TMEM18: variants seen among roughly 807,000 people sequenced by gnomAD.
TMEM18 encodes the protein transmembrane protein 18.
Under a neutral mutation model 17.4 loss-of-function variants are expected in TMEM18, and 14 were observed. The ratio of observed to expected loss-of-function variants is 0.80; its 90% confidence interval spans 0.53 to 1.25. The LOEUF (loss-of-function observed/expected upper bound fraction) is 1.25. Among genes scored for constraint, TMEM18 ranks in the 50% most tolerant of loss-of-function variants. The pLI is 0.00. For synonymous variants in TMEM18, 86 were observed against 66.1 expected (o/e 1.30, Z -1.46); for missense variants, 187 against 172.1 (o/e 1.09, Z -0.48).
In TMEM18 at chr2:668,085, G is replaced by GGA. The variant is rs1325871518; in HGVS notation, c.*1493_*1494dup. On this transcript the variant is annotated 3_prime_UTR_variant, in exon 5 of 5. Coordinates refer to ENST00000281017, the MANE Select transcript of TMEM18 (RefSeq NM_152834.4). Reference sequence around the variant, plus strand: ...CAAGCACCTTCTTCACAAGGCAGCAGGAGAGAGACAGTGACAGCAGGGGAA... The same window carrying GGA: ...CAAGCACCTTCTTCACAAGGCAGCAGGAGAGAGAGACAGTGACAGCAGGGGAA... 2 of 152,236 alleles carry GGA rather than the reference G, an allele frequency of 1.3e-5. No individual in the cohort carries two copies. Among genetic ancestry groups the GGA allele is most frequent in the African/African-American group, 4.8e-5 (2 of 41,458 alleles). 9.4% of individuals were successfully genotyped at this position (152,236 alleles called of 1,614,324 possible). A position where few individuals can be genotyped will look rare whatever the true frequency, so the allele number is the denominator to read the frequency against.
intron 1 of TMEM18, chr2:675,972 C>T: frequency 1.5e-6 from 2 of 1,322,168 alleles, no homozygotes; most frequent in Non-Finnish European, 2.0e-6. Flanking sequence ...AAAGGAATTA[C>T]CATCCTTTAC....
chr2:676,358 T>C, intron 1 of TMEM18: 1 of 1,429,386 alleles, frequency 7.0e-7, no homozygotes, highest in Non-Finnish European at 9.3e-7. Flanking sequence ...CATCCCCTCC[T>C]TGAGCGCCCT....
At chr2:676,198 G>A (rs1420939093) in intron 1 of TMEM18, 4 of 1,363,686 alleles carry the variant, frequency 2.9e-6, no homozygotes, top group Admixed American at 4.4e-5. Flanking sequence ...AGACAGTGCC[G>A]CACTCCGCCG....
chr2:672,278 G>A (rs970631543), intron 3 of TMEM18, among the ~76,000 whole-genome samples: 5 of 152,214 alleles, frequency 3.3e-5, no homozygotes, highest in Non-Finnish European at 5.9e-5. Context: ...CTGGGCAGGT[G>A]CTGGGTTCCG....
rs370486484 is a variant in TMEM18, at chr2:674,951, C to T, written c.178+559G>A. On this transcript the variant is annotated intron_variant, in intron 2 of 4. Coordinates refer to ENST00000281017, the MANE Select transcript of TMEM18 (RefSeq NM_152834.4). The stretch of plus-strand genomic sequence containing the variant: ...CAGTCTCTGCATGTCGGGCTGCTGC[C>T]CTCCCAGGGCCGTCACCTGCTCCCT... Among the ~76,000 whole-genome samples, 111 of 152,292 alleles carry T rather than the reference C, an allele frequency of 7.3e-4. 1 individual carries two copies. The highest frequency in any genetic ancestry group is 2.6e-3 in the African/African-American group (108 of 41,558).
At chr2:673,375 G>A (rs992951000) in intron 2 of TMEM18, among the ~76,000 whole-genome samples, 1 of 152,136 alleles carries the variant, frequency 6.6e-6, no homozygotes, top group African/African-American at 2.4e-5. Flanking sequence ...ACGGGAGGGA[G>A]GGCAGCAGCT....
At chr2:677,053 G>GCCCGGC (rs1472097271) in intron 1 of TMEM18, 14 of 201,662 alleles carry the variant, frequency 6.9e-5, no homozygotes, top group South Asian at 2.3e-4. Flanking sequence ...GCGCCCCGAC[G>GCCCGGC]CCCGGCCCCG....
At position 670,077 on chromosome 2, in the gene TMEM18, C is replaced by G. The variant is rs1678800701; in HGVS notation, c.234-227G>C. On this transcript the variant is annotated intron_variant, in intron 3 of 4. Transcript: ENST00000281017. ...CACTGGGTCACAGGACAGGGAGACA[C>G]CACCCAGCAGCACAGGAAAGACCCC... 7.8e-6 allele frequency: 4 copies of G among 513,940 alleles called. No homozygotes were observed. In the Admixed American group the frequency reaches 1.5e-4, roughly 19 times the overall value. 31.8% of individuals were successfully genotyped at this position (513,940 alleles called of 1,614,324 possible).
Position 675,571 on chromosome 2 carries a change from C to A in TMEM18, c.117G>T (p.Val39=). 1.2e-6 allele frequency: 2 copies of A among 1,614,222 alleles called. No individual in the cohort carries two copies. Among genetic ancestry groups the A allele is most frequent in the Non-Finnish European group, 8.5e-7 (1 of 1,180,052 alleles). The part of the protein sequence containing the change: ...MGLATFHALC[V]LLTCLSSRSY... Reference sequence around the variant, plus strand: ...TTCGGGAGGACAAGCAGGTGAGGAGCACGCAGAGCGCGTGGAAGGTGGCCA... The same window carrying A: ...TTCGGGAGGACAAGCAGGTGAGGAGAACGCAGAGCGCGTGGAAGGTGGCCA... Residue 39 remains valine (V), a synonymous_variant, in exon 2 of 5, where the codon GTG becomes GTT. Transcript: ENST00000281017.
chr2:663,898 C>G lies in TMEM18; in HGVS notation c.*5682G>C, dbSNP rs771651951. On this transcript the variant is annotated 3_prime_UTR_variant, in exon 5 of 5. Transcript: ENST00000281017. ...AGAATTTAAAGAGCAAAAAAGCCAA[C>G]ATGAGTAACTTTATTTATAAAGGTG... Among the ~76,000 whole-genome samples the G allele has an allele frequency of 6.6e-6, 1 of 152,214 alleles. No individual in the cohort carries two copies. Among genetic ancestry groups the G allele is most frequent in the Non-Finnish European group, 1.5e-5 (1 of 68,044 alleles).
chr2:667,960 C>T lies in TMEM18; in HGVS notation c.*1620G>A, dbSNP rs1678736494. The T allele has an allele frequency of 6.6e-6, 1 of 152,212 alleles. No individual in the cohort carries two copies. Among genetic ancestry groups the T allele is most frequent in the Admixed American group, 6.5e-5 (1 of 15,284 alleles). The allele number at this position is 152,212 out of a possible 1,614,324, so 9.4% of individuals were successfully genotyped here. A position where few individuals can be genotyped will look rare whatever the true frequency, so the allele number is the denominator to read the frequency against. On this transcript the variant is annotated 3_prime_UTR_variant, in exon 5 of 5. Coordinates refer to ENST00000281017, the MANE Select transcript of TMEM18 (RefSeq NM_152834.4). ...TTCTCACACTGCTATAAAGATACTA[C>T]CTGAGACCTGGATTACTTTATAAAC...
At position 677,279 on chromosome 2, in the gene TMEM18, C is replaced by T; in HGVS notation, c.57+10G>A. On this transcript the variant is annotated intron_variant, in intron 1 of 4. Coordinates refer to ENST00000281017, the MANE Select transcript of TMEM18 (RefSeq NM_152834.4). ...CCCCCGAACTGGTGGTTACGCGGGC[C>T]GCGAGTTACCGTGAGCACGGCTGGG... 1.2e-6 allele frequency: 2 copies of T among 1,609,732 alleles called. No individual in the cohort carries two copies. Among genetic ancestry groups the T allele is most frequent in the Non-Finnish European group, 1.7e-6 (2 of 1,179,256 alleles).
In TMEM18 at chr2:666,497, G is replaced by A. The variant is rs965446751; in HGVS notation, c.*3083C>T. The stretch of plus-strand genomic sequence containing the variant: ...GGAAGAGGAGCTAGAAAGCTTACCA[G>A]GCCGATGAGGATGCTTGCTGTCAAC... On this transcript the variant is annotated 3_prime_UTR_variant, in exon 5 of 5. Coordinates refer to ENST00000281017, the MANE Select transcript of TMEM18 (RefSeq NM_152834.4). Among the ~76,000 whole-genome samples, 2 of 152,182 alleles carry A rather than the reference G, an allele frequency of 1.3e-5. No homozygotes were observed. The highest frequency in any genetic ancestry group is 4.8e-5 in the African/African-American group (2 of 41,452).
intron 3 of TMEM18, among the ~76,000 whole-genome samples, chr2:672,484 C>T (rs1481470502): frequency 1.3e-5 from 2 of 152,212 alleles, no homozygotes; most frequent in Non-Finnish European, 2.9e-5. Flanking sequence ...GAGGGCATGG[C>T]TGAGGCCAGC....
chr2:673,666 C>G (rs1157893004), intron 2 of TMEM18, among the ~76,000 whole-genome samples: 1 of 151,212 alleles, frequency 6.6e-6, no homozygotes, highest in Non-Finnish European at 1.5e-5. Flanking sequence ...CCACTTCCTC[C>G]CTTCAGGAAT....
At chr2:676,388 G>T (rs1355540943) in intron 1 of TMEM18, 2 of 1,359,832 alleles carry the variant, frequency 1.5e-6, no homozygotes, top group Admixed American at 4.8e-5. Flanking sequence ...GACAAGCCCT[G>T]CCCTCCAAGC....
Position 666,404 on chromosome 2 carries a change from A to G in TMEM18, c.*3176T>C, listed in dbSNP as rs1678690266. Among the ~76,000 whole-genome samples, 2 of 152,180 alleles carry G rather than the reference A, an allele frequency of 1.3e-5. No individual in the cohort carries two copies. The highest frequency in any genetic ancestry group is 2.9e-5 in the Non-Finnish European group (2 of 68,032). On this transcript the variant is annotated 3_prime_UTR_variant, in exon 5 of 5. Transcript: ENST00000281017. The stretch of plus-strand genomic sequence containing the variant: ...GACAGCATGATTCGGAGACTATAAT[A>G]GCTACACCTTCCCCCAAAGCGAGGA...
In TMEM18 at chr2:669,851, C is replaced by A; in HGVS notation, c.234-1G>T. 1.2e-6 allele frequency: 2 copies of A among 1,608,676 alleles called. No individual in the cohort carries two copies. The highest frequency in any genetic ancestry group is 1.1e-5 in the South Asian group (1 of 89,614). ...GAAATACTGGTATTTCGAAAATAAT[C>A]TGTTTAAAAAACAAAAACAAAAAAT... On this transcript the variant is annotated splice_acceptor_variant, in intron 3 of 4. Coordinates refer to ENST00000281017, the MANE Select transcript of TMEM18 (RefSeq NM_152834.4). LOFTEE classifies it high-confidence loss of function.
intron 1 of TMEM18, chr2:676,634 GC>G: frequency 2.6e-6 from 4 of 1,550,238 alleles, no homozygotes; most frequent in Non-Finnish European, 3.5e-6. Context: ...CCCATCGAGT[GC>G]CCATGTCACC....
Sources: allele counts gnomAD v4.1 joint callset (sites outside exome capture counted in the v4.1 genomes callset), GRCh38; gene constraint gnomAD v4.1.1; transcripts MANE v1.5; gene names NCBI Gene and HGNC (gene_info 2026-07-23, HGNC 2026-07-21).